Variants in ABITRAM observed in about 807,000 individuals in gnomAD.
The protein encoded by ABITRAM is protein Abitram.
In ABITRAM, 19 loss-of-function variants were observed where a neutral mutation model predicts 22.9. That is an observed-to-expected ratio of 0.83 (90% CI 0.58 to 1.22). The LOEUF (loss-of-function observed/expected upper bound fraction) is 1.22, where lower values mean the gene tolerates loss of function less well. Among genes scored for constraint, ABITRAM ranks in the 50% most tolerant of loss-of-function variants. ABITRAM has a pLI of 0.00. For missense variants in ABITRAM, 215 were observed against 220.2 expected (o/e 0.98, Z 0.15); for synonymous variants, 70 against 73.9 (o/e 0.95, Z 0.27).
At position 108,940,022 on chromosome 9, in the gene ABITRAM, G is replaced by A; in HGVS notation, c.*336G>A. ...ATACAGAAGAGTTTTAAGTAGCCAA[G>A]TAAAAATAATTTACCCATCATCCCA... is the stretch of plus-strand genomic sequence containing the variant. On this transcript the variant is annotated 3_prime_UTR_variant, in exon 6 of 6. Transcript: ENST00000322940. The A allele has an allele frequency of 4.7e-6, 1 of 213,340 alleles. No individual in the cohort carries two copies. Among genetic ancestry groups the A allele is most frequent in the Non-Finnish European group, 9.3e-6 (1 of 108,068 alleles). 13.2% of individuals were successfully genotyped at this position (213,340 alleles called of 1,614,324 possible).
intron 2 of ABITRAM, 66 bp from the exon 3 acceptor site, chr9:108,936,242 A>G (rs1476440103): frequency 1.9e-6 from 3 of 1,554,914 alleles, no homozygotes; most frequent in Non-Finnish European, 8.7e-7. Flanking sequence ...TTCTTGTTCC[A>G]ATAGGAGTTA....
In ABITRAM at chr9:108,934,437, A is replaced by G. The variant is rs908364393; in HGVS notation, c.-50A>G. The G allele has an allele frequency of 6.7e-7, 1 of 1,495,518 alleles. No individual in the cohort carries two copies. The highest frequency in any genetic ancestry group is 2.0e-5 in the Admixed American group (1 of 49,760). 92.6% of individuals were successfully genotyped at this position (1,495,518 alleles called of 1,614,324 possible). The stretch of plus-strand genomic sequence containing the variant: ...AGCACGCCCAGTCCGGGCTGCGCGG[A>G]GGAAGCGCTGGGGTCCCGGAGGGCG... On this transcript the variant is annotated 5_prime_UTR_variant, in exon 1 of 6. Coordinates refer to ENST00000322940, the MANE Select transcript of ABITRAM (RefSeq NM_017832.4).
chr9:108,937,801 A>T (rs1345991216), intron 3 of ABITRAM, among the ~76,000 whole-genome samples: 2 of 151,476 alleles, frequency 1.3e-5, no homozygotes, highest in African/African-American at 4.9e-5. Flanking sequence ...AAACCTAGGC[A>T]ACATAACAAG....
chr9:108,934,425 C>T lies in ABITRAM; in HGVS notation c.-62C>T, dbSNP rs1439418674. The T allele has an allele frequency of 6.9e-7, 1 of 1,457,074 alleles. No individual in the cohort carries two copies. Among genetic ancestry groups the T allele is most frequent in the Non-Finnish European group, 9.3e-7 (1 of 1,080,540 alleles). 90.3% of individuals were successfully genotyped at this position (1,457,074 alleles called of 1,614,324 possible). A position where few individuals can be genotyped will look rare whatever the true frequency, so the allele number is the denominator to read the frequency against. ...GTGCGCCGGAAGAGCACGCCCAGTC[C>T]GGGCTGCGCGGAGGAAGCGCTGGGG... On this transcript the variant is annotated 5_prime_UTR_variant, in exon 1 of 6. Coordinates refer to ENST00000322940, the MANE Select transcript of ABITRAM (RefSeq NM_017832.4).
chr9:108,935,045 G>A (rs770228896), intron 1 of ABITRAM, among the ~76,000 whole-genome samples: 20 of 152,296 alleles, frequency 1.3e-4, no homozygotes, highest in Non-Finnish European at 2.6e-4. Context: ...CTTAAGAGAC[G>A]CCATCTGCCA....
chr9:108,943,448 A>C (rs968225942), downstream of ABITRAM, among the ~76,000 whole-genome samples: 1 of 152,176 alleles, frequency 6.6e-6, no homozygotes, highest in African/African-American at 2.4e-5. Context: ...CTAGTTGCAG[A>C]GGTAATGACT....
chr9:108,942,613 C>G, downstream of ABITRAM: 1 of 596,384 alleles, frequency 1.7e-6, no homozygotes, highest in East Asian at 2.8e-5. Context: ...TGTCAAAAAG[C>G]TTTACAATCA....
downstream of ABITRAM, among the ~76,000 whole-genome samples, chr9:108,943,491 G>A (rs1298685291): frequency 1.3e-5 from 2 of 152,094 alleles, no homozygotes; most frequent in South Asian, 2.1e-4. Context: ...CAGTGCTATG[G>A]AATTAATGAT....
At chr9:108,950,117 C>A (rs961560414) in intron 3 of ABITRAM, among the ~76,000 whole-genome samples, 1 of 151,722 alleles carries the variant, frequency 6.6e-6, no homozygotes, top group African/African-American at 2.4e-5. Flanking sequence ...ATAATATATT[C>A]CCCCAAGTCT....
downstream of ABITRAM, chr9:108,942,905 A>G (rs763391443): frequency 3.1e-6 from 5 of 1,608,868 alleles, no homozygotes; most frequent in Admixed American, 1.7e-5. Context: ...AGTAGTAACT[A>G]TTTTCTTTTA....
At chr9:108,939,135 A>G (rs371259502) in intron 3 of ABITRAM, 61 bp from the exon 4 acceptor site, 15 of 1,414,076 alleles carry the variant, frequency 1.1e-5, no homozygotes, top group Middle Eastern at 2.4e-4. Context: ...CCTAAGGGCT[A>G]CTTCTCAAAG....
At chr9:108,943,942 G>A (rs1830322792), downstream of ABITRAM, 2 of 1,611,638 alleles carry the variant, frequency 1.2e-6, no homozygotes, top group Admixed American at 3.3e-5. Context: ...ACCAGCTCCA[G>A]GTAGGTAGAC....
intron 3 of ABITRAM, among the ~76,000 whole-genome samples, chr9:108,946,578 C>T (rs950696047): frequency 2.0e-5 from 3 of 152,120 alleles, no homozygotes; most frequent in Non-Finnish European, 2.9e-5. Context: ...GTATTCTAGT[C>T]GTACGTGATT....
At chr9:108,938,695 G>GAGGC (rs920781803) in intron 3 of ABITRAM, among the ~76,000 whole-genome samples, 2 of 145,890 alleles carry the variant, frequency 1.4e-5, no homozygotes, top group Admixed American at 6.9e-5. Flanking sequence ...TACAAAGGGG[G>GAGGC]GGGGGGGAAA....
intron 1 of ABITRAM, 47 bp from the exon 2 acceptor site, chr9:108,935,591 T>A: frequency 2.1e-6 from 3 of 1,440,484 alleles, no homozygotes; most frequent in Non-Finnish European, 2.9e-6. Context: ...CACATAGTGG[T>A]AGTAAATATT....
chr9:108,935,746 C>T (rs1285871284), intron 2 of ABITRAM, 57 bp downstream of exon 2: 5 of 1,110,182 alleles, frequency 4.5e-6, no homozygotes, highest in Non-Finnish European at 6.9e-6. Flanking sequence ...GTATTGTAGC[C>T]TGGTATGGTC....
chr9:108,944,786 A>G (rs1830352176), downstream of ABITRAM, among the ~76,000 whole-genome samples: 1 of 152,190 alleles, frequency 6.6e-6, no homozygotes, highest in Admixed American at 6.5e-5. Flanking sequence ...GGTCTTCATA[A>G]TAAATTAAAG....
At chr9:108,950,342 A>G (rs1830524353) in intron 3 of ABITRAM, among the ~76,000 whole-genome samples, 1 of 152,220 alleles carries the variant, frequency 6.6e-6, no homozygotes, top group Non-Finnish European at 1.5e-5. Flanking sequence ...TCATGTTGGG[A>G]AGACTCAATC....
rs1477730843 is a variant in ABITRAM at position 108,939,749 on chromosome 9, C to T, written c.*63C>T. The T allele has an allele frequency of 6.3e-7, 1 of 1,584,102 alleles. No homozygotes were observed. The highest frequency in any genetic ancestry group is 2.2e-5 in the East Asian group (1 of 44,714). On this transcript the variant is annotated 3_prime_UTR_variant, in exon 6 of 6. Coordinates refer to ENST00000322940, the MANE Select transcript of ABITRAM (RefSeq NM_017832.4). ...TTACCTGGCCTAAACCATCAGGGTA[C>T]TAAAGGAGAAGAACCAGTATATGTA...
Sources: allele counts gnomAD v4.1 joint callset (sites outside exome capture counted in the v4.1 genomes callset), GRCh38; gene constraint gnomAD v4.1.1; transcripts MANE v1.5; gene names NCBI Gene and HGNC (gene_info 2026-07-23, HGNC 2026-07-21).